GALNT13: variants seen among roughly 807,000 people sequenced by gnomAD.
The protein encoded by GALNT13 is polypeptide N-acetylgalactosaminyltransferase 13, also known as UDP-GalNAc:polypeptide N-acetylgalactosaminyltransferase 13.
GALNT13 carries 28 observed loss-of-function variants against 64.2 expected under a neutral mutation model. The observed-to-expected ratio is 0.44, with a 90% CI of 0.32 to 0.60. The LOEUF is 0.60. Ranked by LOEUF, GALNT13 falls within the 20% of genes least tolerant of loss-of-function variation. The pLI, the probability that GALNT13 is intolerant of heterozygous loss-of-function variation, is 0.05. For missense variants in GALNT13, 577 were observed against 669.8 expected, an observed-to-expected ratio of 0.86 and a Z score of 1.53; for synonymous variants, 214 against 224.6, an observed-to-expected ratio of 0.95 and a Z score of 0.42.
chr2:153,092,801 CT>C, the GALNT13 span, among the ~76,000 whole-genome samples: 3 of 152,136 alleles, frequency 2.0e-5, no homozygotes, highest in Non-Finnish European at 4.4e-5. Context: ...TAACTTCATC[CT>C]TTCCAATTTT....
chr2:154,344,880 C>A (rs1695980071), intron 9 of GALNT13, among the ~76,000 whole-genome samples: 1 of 151,968 alleles, frequency 6.6e-6, no homozygotes, highest in South Asian at 2.1e-4. Flanking sequence ...GAAGAGTTAA[C>A]TGGTAATTGT....
At chr2:154,081,168 C>T (rs957867499) in intron 3 of GALNT13, among the ~76,000 whole-genome samples, 2 of 151,546 alleles carry the variant, frequency 1.3e-5, no homozygotes, top group Non-Finnish European at 3.0e-5. Flanking sequence ...GTAGACCATA[C>T]TCTATGTAAA....
At chr2:154,343,822 T>A (rs1184541550) in intron 9 of GALNT13, among the ~76,000 whole-genome samples, 2 of 152,100 alleles carry the variant, frequency 1.3e-5, no homozygotes, top group Admixed American at 6.6e-5. Flanking sequence ...AAGAAAATAT[T>A]TAAAAAACTT....
At position 154,154,141 on chromosome 2, in the gene GALNT13, T is replaced by C. The variant is rs573171101; in HGVS notation, c.311+13636T>C. ...TCCCTATATTTTTGTTCCATGTGAC[T>C]TAAGGCAGAAATACTCAATTATTTA... On this transcript the variant is annotated intron_variant, in intron 4 of 12. Coordinates refer to ENST00000392825, the MANE Select transcript of GALNT13 (RefSeq NM_052917.4). 2.7e-4 allele frequency among the ~76,000 whole-genome samples: 41 copies of C among 152,302 alleles called. No individual in the cohort carries two copies. In the South Asian group the frequency reaches 8.1e-3, roughly 30 times the overall value.
the GALNT13 span, among the ~76,000 whole-genome samples, chr2:153,183,548 C>T: frequency 6.6e-6 from 1 of 152,042 alleles, no homozygotes; most frequent in Admixed American, 6.6e-5. Flanking sequence ...TTTGCCTGTG[C>T]CTATGTCCTG....
At chr2:153,123,885 A>T in the GALNT13 span, among the ~76,000 whole-genome samples, 43 of 152,324 alleles carry the variant, frequency 2.8e-4, no homozygotes, top group African/African-American at 1.0e-3. Context: ...CATTTTGTAT[A>T]ACCTCTTCCC....
intron 2 of GALNT13, among the ~76,000 whole-genome samples, chr2:153,907,294 GCA>G (rs1359753528): frequency 6.6e-6 from 1 of 151,382 alleles, no homozygotes; most frequent in East Asian, 1.9e-4. Context: ...GAAGTTTAAT[GCA>G]GTTTAATATT....
At chr2:154,165,080 A>G (rs910629100) in intron 4 of GALNT13, among the ~76,000 whole-genome samples, 1 of 152,170 alleles carries the variant, frequency 6.6e-6, no homozygotes, top group Non-Finnish European at 1.5e-5. Flanking sequence ...AGAGTGTTCC[A>G]AAAACATTTC....
At chr2:153,478,374 C>T in the GALNT13 span, 1 of 1,613,234 alleles carries the variant, frequency 6.2e-7, no homozygotes, top group Non-Finnish European at 8.5e-7. Flanking sequence ...TGAGTGAGAG[C>T]ACGCACATGA....
At chr2:153,264,606 C>T in the GALNT13 span, among the ~76,000 whole-genome samples, 2 of 152,116 alleles carry the variant, frequency 1.3e-5, no homozygotes, top group Admixed American at 1.3e-4. Flanking sequence ...ACTATTCAGC[C>T]ATAAAAAGAA....
At chr2:154,134,401 G>C (rs545892318) in intron 3 of GALNT13, among the ~76,000 whole-genome samples, 1 of 152,030 alleles carries the variant, frequency 6.6e-6, no homozygotes, top group African/African-American at 2.4e-5. Flanking sequence ...GATGAGAAAA[G>C]GAATAATTCT....
intron 3 of GALNT13, among the ~76,000 whole-genome samples, chr2:154,125,245 C>T (rs115081374): frequency 0.011 from 1,619 of 152,092 alleles, 33 homozygotes; most frequent in African/African-American, 0.037. Flanking sequence ...TCTAGTGGTA[C>T]TAGCGAGAAA....
At chr2:153,174,180 C>T in the GALNT13 span, among the ~76,000 whole-genome samples, 1 of 152,310 alleles carries the variant, frequency 6.6e-6, no homozygotes, top group African/African-American at 2.4e-5. Context: ...TCCATGGTGA[C>T]AGCATTAGCC....
intron 8 of GALNT13, chr2:154,286,755 C>A: frequency 3.1e-6 from 1 of 324,296 alleles, no homozygotes; most frequent in African/African-American, 2.1e-5. Flanking sequence ...AAGGGACTCA[C>A]TTTCTCATGC....
At chr2:153,212,346 C>T in the GALNT13 span, among the ~76,000 whole-genome samples, 1 of 152,082 alleles carries the variant, frequency 6.6e-6, no homozygotes, top group Admixed American at 6.6e-5. Context: ...TTGACTTTAC[C>T]AGTGTTGTCT....
the GALNT13 span, among the ~76,000 whole-genome samples, chr2:153,838,465 A>T: frequency 6.6e-6 from 1 of 151,808 alleles, no homozygotes; most frequent in East Asian, 1.9e-4. Flanking sequence ...GGATATAACC[A>T]ATTTATTTTT....
At chr2:153,325,996 G>C in the GALNT13 span, among the ~76,000 whole-genome samples, 1 of 152,186 alleles carries the variant, frequency 6.6e-6, no homozygotes, top group African/African-American at 2.4e-5. Flanking sequence ...GGAGAGTTCT[G>C]TAGATGTCTA....
At chr2:153,258,048 A>G in the GALNT13 span, among the ~76,000 whole-genome samples, 5 of 152,050 alleles carry the variant, frequency 3.3e-5, no homozygotes, top group African/African-American at 9.7e-5. Context: ...AATTTACCCA[A>G]CTCATAGGTA....
At chr2:153,196,959 A>G in the GALNT13 span, among the ~76,000 whole-genome samples, 1 of 152,200 alleles carries the variant, frequency 6.6e-6, no homozygotes, top group African/African-American at 2.4e-5. Context: ...TGCTGCTGCC[A>G]TCAGTGGGAC....
Sources: gnomAD v4.1 joint callset for allele counts (sites outside exome capture counted in the v4.1 genomes callset) on GRCh38, gnomAD v4.1.1 for gene constraint, MANE v1.5 for transcripts, NCBI Gene and HGNC (gene_info 2026-07-23, HGNC 2026-07-21) for gene names.